Variants in ZNF337 observed in about 807,000 individuals in gnomAD.
ZNF337 encodes the protein zinc finger protein 337.
A neutral mutation model predicts 12.1 loss-of-function variants in ZNF337; 8 were observed. The ratio of observed to expected loss-of-function variants is 0.66; its 90% CI spans 0.39 to 1.19. The LOEUF (loss-of-function observed/expected upper bound fraction) is 1.19, where lower values mean the gene tolerates loss of function less well. ZNF337 is among the 50% of genes most tolerant of loss of function. The pLI is 0.01. For synonymous variants in ZNF337, 336 were observed against 320.0 expected (o/e 1.05, Z -0.53); for missense variants, 882 against 896.6 (o/e 0.98, Z 0.21).
Position 25,675,872 on chromosome 20 carries a change from C to G in ZNF337, c.1416G>C (p.Lys472Asn). 1 of 1,614,164 alleles carries G rather than the reference C, an allele frequency of 6.2e-7. No individual in the cohort carries two copies. Among genetic ancestry groups the G allele is most frequent in the Non-Finnish European group, 8.5e-7 (1 of 1,180,024 alleles). ...CKDCGRGFIQ[K>N]STFTLHQRTH... ...TCCTCTGGTGTAAAGTGAAGGTTGA[C>G]TTTTGGATAAAGCCTCGTCCACAGT... is the stretch of plus-strand genomic sequence containing the variant. The change falls in exon 5 of 5, where the codon AAG (lysine) becomes AAC (asparagine). Residue 472 changes from lysine (K) to asparagine (N), a missense_variant. Lys to Asn is a moderately conservative substitution (Grantham distance 94). Transcript: ENST00000252979.
At chr20:25,682,817 A>G (rs1446885902) in intron 4 of ZNF337, among the ~76,000 whole-genome samples, 1 of 151,488 alleles carries the variant, frequency 6.6e-6, no homozygotes, top group African/African-American at 2.4e-5. Context: ...CCTGGGCTAC[A>G]AGAGTGAAAC....
Position 25,676,627 on chromosome 20 carries a change from A to C in ZNF337, c.661T>G (p.Ser221Ala). The change falls in exon 5 of 5, where the codon TCA (serine) becomes GCA (alanine). Residue 221 changes from serine to alanine, a missense_variant. Ser to Ala is a moderately conservative substitution (Grantham distance 99, BLOSUM62 1). Transcript: ENST00000252979. ...GTGTTCTGGTGCAAGAGCAATGCTG[A>C]CTCATCTCTAAAGCCCTGGTGACAC... ...RECHQGFRDE[S>A]ALLLHQNTHT... 2 of 1,614,056 alleles carry C rather than the reference A, an allele frequency of 1.2e-6. No homozygotes were observed. Among genetic ancestry groups the C allele is most frequent in the Non-Finnish European group, 1.7e-6 (2 of 1,179,994 alleles).
At chr20:25,689,212 G>A (rs1419684748) in intron 1 of ZNF337, among the ~76,000 whole-genome samples, 2 of 152,102 alleles carry the variant, frequency 1.3e-5, no homozygotes, top group Admixed American at 1.3e-4. Context: ...TCTGAGGCAG[G>A]AGAATGGTGT....
rs1278354531 is a variant in ZNF337, at chr20:25,673,931, A to G, written c.*1101T>C. 1 of 152,192 alleles carries G rather than the reference A, an allele frequency of 6.6e-6. No individual in the cohort carries two copies. The highest frequency in any genetic ancestry group is 1.5e-5 in the Non-Finnish European group (1 of 68,038). The allele number at this position is 152,192 out of a possible 1,614,324, so 9.4% of individuals were successfully genotyped here. A position where few individuals can be genotyped will look rare whatever the true frequency, so the allele number is the denominator to read the frequency against. ...CTATCATTGAGGCATTTTCTCAGGA[A>G]ATCACCTGTGAAATATTTTGCAGCT... On this transcript the variant is annotated 3_prime_UTR_variant, in exon 5 of 5. Transcript: ENST00000252979.
chr20:25,678,790 TA>T (rs573199751), intron 4 of ZNF337, among the ~76,000 whole-genome samples: 59 of 149,352 alleles, frequency 4.0e-4, no homozygotes, highest in African/African-American at 1.3e-3. Flanking sequence ...TACAAAAGGT[TA>T]AAAAAAAAAT....
At chr20:25,678,199 C>A (rs555430926) in intron 4 of ZNF337, 1 of 151,654 alleles carries the variant, frequency 6.6e-6, no homozygotes, top group Non-Finnish European at 1.5e-5. Context: ...TAAAGTTGCA[C>A]AATATGAAAT....
At chr20:25,685,733 C>G in intron 3 of ZNF337, 71 bp from the exon 4 acceptor site, 1 of 1,405,716 alleles carries the variant, frequency 7.1e-7, no homozygotes, top group Non-Finnish European at 1.0e-6. Flanking sequence ...CTGGAGCCAC[C>G]CAGGGCAGGA....
intron 1 of ZNF337, among the ~76,000 whole-genome samples, chr20:25,690,055 G>C (rs1198282516): frequency 1.3e-5 from 2 of 152,186 alleles, no homozygotes; most frequent in Non-Finnish European, 2.9e-5. Flanking sequence ...GGAGGCTGAT[G>C]CATGTGGATC....
Position 25,676,675 on chromosome 20 carries a change from G to A in ZNF337, c.613C>T (p.Gln205Ter). Residue 205 changes from glutamine to a stop codon, truncating the protein, a stop_gained, in exon 5 of 5, where the codon CAG (glutamine) becomes TAG (stop). Transcript: ENST00000252979. LOFTEE classifies it low-confidence loss of function (END_TRUNC). ...VIIHKKAHSR[Q>*]KLFTCRECHQ... ...CACTCCCTGCATGTAAAAAGTTTCT[G>A]CCTGGAATGTGCTTTTTTGTGTATG... 6.2e-7 allele frequency: 1 copy of A among 1,614,192 alleles called. No individual in the cohort carries two copies. The highest frequency in any genetic ancestry group is 8.5e-7 in the Non-Finnish European group (1 of 1,180,042).
intron 4 of ZNF337, chr20:25,680,931 A>T (rs1374061501): frequency 6.6e-6 from 1 of 152,232 alleles, no homozygotes; most frequent in Non-Finnish European, 1.5e-5. Flanking sequence ...ATTTTAATTC[A>T]CTGACAGACA....
Position 25,675,655 on chromosome 20 carries a change from T to G in ZNF337, c.1633A>C (p.Met545Leu). 6.2e-7 allele frequency: 1 copy of G among 1,613,014 alleles called. No individual in the cohort carries two copies. Among genetic ancestry groups the G allele is most frequent in the South Asian group, 1.1e-5 (1 of 91,030 alleles). The stretch of plus-strand genomic sequence containing the variant: ...AAACTTTTCTCACACTGCTTGCACA[T>G]GAAGGGCTTCTCTCCTGAGTGTGTC... Reference protein sequence around the residue: ...QRTHSGEKPFMCKQCEKSFSL... With the variant: ...QRTHSGEKPFLCKQCEKSFSL... The change falls in exon 5 of 5, where the codon ATG becomes CTG. Residue 545 changes from methionine to leucine, a missense_variant. Coordinates refer to ENST00000252979, the MANE Select transcript of ZNF337 (RefSeq NM_015655.4).
intron 1 of ZNF337, among the ~76,000 whole-genome samples, chr20:25,696,095 C>A (rs1383464372): frequency 7.8e-6 from 1 of 128,860 alleles, no homozygotes; most frequent in Non-Finnish European, 1.7e-5. Flanking sequence ...GATCCCCCCC[C>A]CCCCCCACCA....
intron 1 of ZNF337, among the ~76,000 whole-genome samples, chr20:25,695,451 C>T (rs564971377): frequency 7.2e-5 from 11 of 152,380 alleles, no homozygotes; most frequent in African/African-American, 2.6e-4. Flanking sequence ...TCTCAACCAA[C>T]TGTCCACTAA....
intron 4 of ZNF337, among the ~76,000 whole-genome samples, chr20:25,683,838 C>A (rs1291359507): frequency 1.3e-5 from 2 of 152,056 alleles, no homozygotes; most frequent in Non-Finnish European, 2.9e-5. Context: ...TTTGACTCAG[C>A]CATCCCATTA....
Position 25,676,073 on chromosome 20 carries a change from C to T in ZNF337, c.1215G>A (p.Val405=). 1 of 1,613,652 alleles carries T rather than the reference C, an allele frequency of 6.2e-7. No individual in the cohort carries two copies. Among genetic ancestry groups the T allele is most frequent in the Non-Finnish European group, 8.5e-7 (1 of 1,179,880 alleles). Residue 405 remains valine (V), a synonymous_variant, in exon 5 of 5, where the codon GTG becomes GTA. Coordinates refer to ENST00000252979, the MANE Select transcript of ZNF337 (RefSeq NM_015655.4). ...QRTHSGEKPF[V]CKDCERSFSQ... ...TAAAGCTTCGCTCACAATCCTTGCA[C>T]ACAAAAGGCTTCTCCCCTGAGTGTG...
intron 1 of ZNF337, among the ~76,000 whole-genome samples, chr20:25,695,978 A>G (rs2065921438): frequency 6.6e-6 from 1 of 152,014 alleles, no homozygotes; most frequent in African/African-American, 2.4e-5. Context: ...ACCTTTTTAA[A>G]TATATTTTGG....
chr20:25,692,249 C>A (rs965373364), intron 1 of ZNF337, among the ~76,000 whole-genome samples: 1 of 152,076 alleles, frequency 6.6e-6, no homozygotes, highest in Admixed American at 6.5e-5. Context: ...ATTTTTGAGA[C>A]CTGGAAAATT....
At chr20:25,690,263 T>A (rs1015451284) in intron 1 of ZNF337, among the ~76,000 whole-genome samples, 3 of 152,086 alleles carry the variant, frequency 2.0e-5, no homozygotes, top group Non-Finnish European at 4.4e-5. Flanking sequence ...CAAGACATAG[T>A]CTCAAGAAAA....
intron 1 of ZNF337, among the ~76,000 whole-genome samples, chr20:25,693,434 CA>C (rs1379781629): frequency 1.3e-5 from 2 of 152,184 alleles, no homozygotes; most frequent in Non-Finnish European, 2.9e-5. Context: ...ATGGGGATTC[CA>C]ATTCCTAACT....
Sources: allele counts gnomAD v4.1 joint callset (sites outside exome capture counted in the v4.1 genomes callset), GRCh38; gene constraint gnomAD v4.1.1; transcripts MANE v1.5; gene names NCBI Gene and HGNC (gene_info 2026-07-23, HGNC 2026-07-21).